SYNPR: variants seen among roughly 807,000 people sequenced by gnomAD.
SYNPR encodes the protein synaptoporin.
Under a neutral mutation model 32.9 loss-of-function variants are expected in SYNPR, and 23 were observed. The ratio of observed to expected loss-of-function variants is 0.70; its 90% CI spans 0.50 to 0.99. SYNPR has a LOEUF of 0.99. Among genes scored for constraint, SYNPR ranks in the 50% least tolerant of loss-of-function variants. SYNPR has a pLI of 0.00. For missense variants in SYNPR, 318 were observed against 349.3 expected (o/e 0.91, Z 0.71); for synonymous variants, 146 against 135.9 (o/e 1.07, Z -0.52).
intron 2 of SYNPR, among the ~76,000 whole-genome samples, chr3:63,390,244 A>C (rs990256115): frequency 5.9e-5 from 9 of 152,182 alleles, no homozygotes; most frequent in Admixed American, 2.6e-4. Flanking sequence ...ACAGAAATAG[A>C]ATTCTTCAGG....
At chr3:63,485,246 A>C (rs1049609859) in intron 3 of SYNPR, among the ~76,000 whole-genome samples, 1 of 152,136 alleles carries the variant, frequency 6.6e-6, no homozygotes, top group Non-Finnish European at 1.5e-5. Context: ...TCACTGAAAG[A>C]CACCAAAAGG....
chr3:63,431,475 A>G (rs1298602177), intron 2 of SYNPR, among the ~76,000 whole-genome samples: 1 of 152,202 alleles, frequency 6.6e-6, no homozygotes, highest in Non-Finnish European at 1.5e-5. Context: ...AGAACAGACA[A>G]ACATGAAGAT....
At chr3:63,346,796 A>G (rs2087442503) in intron 2 of SYNPR, among the ~76,000 whole-genome samples, 1 of 151,782 alleles carries the variant, frequency 6.6e-6, no homozygotes, top group Non-Finnish European at 1.5e-5. Context: ...CTTTTTACCA[A>G]CTCTGTCGGC....
intron 5 of SYNPR, among the ~76,000 whole-genome samples, chr3:63,611,762 C>T (rs1383285187): frequency 1.3e-5 from 2 of 152,132 alleles, no homozygotes. Flanking sequence ...AAAGACTGAA[C>T]GGCTTGGACT....
intron 4 of SYNPR, among the ~76,000 whole-genome samples, chr3:63,595,775 A>ATATATATATATATATATATATAATTT (rs1699937802): frequency 5.6e-5 from 3 of 53,966 alleles, no homozygotes; most frequent in African/African-American, 2.9e-4. Context: ...ATATAATTTT[A>ATATATATATATATATATATATAATTT]TATATATATA....
At chr3:63,425,294 T>C (rs1267434033) in intron 2 of SYNPR, among the ~76,000 whole-genome samples, 1 of 152,142 alleles carries the variant, frequency 6.6e-6, no homozygotes, top group Non-Finnish European at 1.5e-5. Flanking sequence ...GTCAGCTGAT[T>C]GGTGGTATAC....
chr3:63,403,157 T>C (rs1460741047), intron 2 of SYNPR, among the ~76,000 whole-genome samples: 2 of 152,200 alleles, frequency 1.3e-5, no homozygotes, highest in Non-Finnish European at 2.9e-5. Context: ...CGTATTTTCT[T>C]GCATCTTGTC....
Position 63,558,108 on chromosome 3 carries a change from T to C in SYNPR, c.408+1367T>C, listed in dbSNP as rs145841175. Reference sequence around the variant, plus strand: ...TTTGTCTTCTATCCCTTTTCCCACATACCCAGTTCCTCTTTCATTTCTCTG... The same window carrying C: ...TTTGTCTTCTATCCCTTTTCCCACACACCCAGTTCCTCTTTCATTTCTCTG... On this transcript the variant is annotated intron_variant, in intron 4 of 5. Coordinates refer to ENST00000478300, the MANE Select transcript of SYNPR (RefSeq NM_001130003.2). Among the ~76,000 whole-genome samples the C allele has an allele frequency of 2.5e-3, 386 of 152,304 alleles. 3 individuals are homozygous for C. The highest frequency in any genetic ancestry group is 9.0e-3 in the African/African-American group (373 of 41,562).
At chr3:63,533,211 G>A (rs1702141155) in intron 3 of SYNPR, among the ~76,000 whole-genome samples, 1 of 152,086 alleles carries the variant, frequency 6.6e-6, no homozygotes, top group African/African-American at 2.4e-5. Context: ...ATTTATTGAA[G>A]AACTGAAGGA....
At chr3:63,511,909 A>G (rs908372240) in intron 3 of SYNPR, among the ~76,000 whole-genome samples, 1 of 152,152 alleles carries the variant, frequency 6.6e-6, no homozygotes, top group South Asian at 2.1e-4. Context: ...TGCTTATTGT[A>G]AAATATTCAA....
chr3:63,482,160 A>T (rs994668780), intron 3 of SYNPR, among the ~76,000 whole-genome samples: 4 of 152,112 alleles, frequency 2.6e-5, no homozygotes, highest in Non-Finnish European at 5.9e-5. Context: ...TTAAGGATAC[A>T]ATGTGAGAAG....
chr3:63,443,590 T>C, intron 2 of SYNPR: 7 of 1,121,230 alleles, frequency 6.2e-6, no homozygotes. Context: ...TTTAAGTCTC[T>C]AGTAATAATC....
chr3:63,492,387 A>G (rs1301263784), intron 3 of SYNPR, among the ~76,000 whole-genome samples: 4 of 152,212 alleles, frequency 2.6e-5, no homozygotes, highest in Non-Finnish European at 5.9e-5. Context: ...ATACAGAGGA[A>G]CAGTAGAACT....
At chr3:63,239,274 T>C (rs900799886) in intron 1 of SYNPR, among the ~76,000 whole-genome samples, 11 of 86,670 alleles carry the variant, frequency 1.3e-4, no homozygotes, top group Non-Finnish European at 2.9e-4. Context: ...CATCCTACCA[T>C]TGTCAAGTGT....
intron 2 of SYNPR, among the ~76,000 whole-genome samples, chr3:63,454,752 GTGTGATGTGA>G (rs113684823): frequency 9.9e-5 from 15 of 151,960 alleles, no homozygotes; most frequent in Non-Finnish European, 8.8e-5. Flanking sequence ...AGAGATCTCT[GTGTGATGTGA>G]TGTGATGTGA....
At chr3:63,349,300 C>T (rs1264508418) in intron 2 of SYNPR, among the ~76,000 whole-genome samples, 1 of 151,736 alleles carries the variant, frequency 6.6e-6, no homozygotes, top group Non-Finnish European at 1.5e-5. Context: ...ACGGGTTTCA[C>T]CATGTTGGTC....
the SYNPR span, among the ~76,000 whole-genome samples, chr3:63,217,663 C>T: frequency 1.3e-4 from 20 of 151,602 alleles, no homozygotes; most frequent in East Asian, 2.0e-3. Flanking sequence ...AGAAATCACC[C>T]GTCTTCTGCG....
At chr3:63,233,817 A>T (rs2086182411) in intron 1 of SYNPR, among the ~76,000 whole-genome samples, 1 of 152,212 alleles carries the variant, frequency 6.6e-6, no homozygotes, top group South Asian at 2.1e-4. Flanking sequence ...AACAGTATGT[A>T]TGTTATGAGA....
chr3:63,364,008 C>T (rs1170917754), intron 2 of SYNPR, among the ~76,000 whole-genome samples: 2 of 152,296 alleles, frequency 1.3e-5, no homozygotes, highest in South Asian at 4.1e-4. Flanking sequence ...CGATGCAGAT[C>T]CCCTGATGTA....
Sources: allele counts gnomAD v4.1 joint callset (sites outside exome capture counted in the v4.1 genomes callset), GRCh38; gene constraint gnomAD v4.1.1; transcripts MANE v1.5; gene names NCBI Gene and HGNC (gene_info 2026-07-23, HGNC 2026-07-21).